The following ATXN3 variants were observed in gnomAD, a reference collection of about 807,000 sequenced individuals.
ATXN3 encodes the protein ataxin-3.
In ATXN3, 28 loss-of-function variants were observed where a neutral mutation model predicts 58.2. The observed-to-expected ratio is 0.48, with a 90% confidence interval of 0.36 to 0.66. ATXN3 has a LOEUF of 0.66. Ranked by LOEUF, ATXN3 falls within the 30% of genes least tolerant of loss-of-function variation. ATXN3 has a pLI of 0.00. For missense variants in ATXN3, 321 were observed against 422.1 expected (o/e 0.76, Z 2.10); for synonymous variants, 113 against 138.5 (o/e 0.82, Z 1.29).
At chr14:92,064,544 C>A in intron 10 of ATXN3, 130 bp from the exon 11 acceptor site, 1 of 657,396 alleles carries the variant, frequency 1.5e-6, no homozygotes. Flanking sequence ...ACATATAAAG[C>A]AAAATTTACT....
chr14:92,056,187 AAGAGCTCCTTGGGGCCCATGTAG>A (rs2057464430), downstream of ATXN3, among the ~76,000 whole-genome samples: 1 of 152,196 alleles, frequency 6.6e-6, no homozygotes, highest in African/African-American at 2.4e-5. Flanking sequence ...CTCTGGGCAC[AAGAGCTCCTTGGGGCCCATGTAG>A]TGACATGTGG....
chr14:92,095,096 CA>C (rs1245728417), intron 3 of ATXN3, among the ~76,000 whole-genome samples: 1 of 124,214 alleles, frequency 8.1e-6, no homozygotes, highest in Admixed American at 7.5e-5. Flanking sequence ...GAGAGCTATA[CA>C]TTAAAAAAAA....
At chr14:92,053,647 C>A (rs1336407783), downstream of ATXN3, among the ~76,000 whole-genome samples, 1 of 151,914 alleles carries the variant, frequency 6.6e-6, no homozygotes, top group Admixed American at 6.6e-5. Flanking sequence ...CAGGTGCATG[C>A]CACCATACCC....
intron 9 of ATXN3, among the ~76,000 whole-genome samples, chr14:92,079,643 C>T (rs763221140): frequency 3.3e-5 from 5 of 152,160 alleles, no homozygotes; most frequent in Non-Finnish European, 7.3e-5. Flanking sequence ...GGATGAAATA[C>T]AGCAAATAGT....
upstream of ATXN3, among the ~76,000 whole-genome samples, chr14:92,051,009 T>C (rs182250620): frequency 3.2e-4 from 49 of 152,390 alleles, 1 homozygote; most frequent in Admixed American, 3.2e-3. Flanking sequence ...TTTAGTCTGA[T>C]ACTTTTCTGA....
Position 92,093,336 on chromosome 14 carries a change from C to A in ATXN3, c.321-18G>T, listed in dbSNP as rs1183894618. 8.4e-7 allele frequency: 1 copy of A among 1,192,678 alleles called. No individual in the cohort carries two copies. The highest frequency in any genetic ancestry group is 2.0e-5 in the Admixed American group (1 of 50,922). The allele number at this position is 1,192,678 out of a possible 1,614,324, so 73.9% of individuals were successfully genotyped here. ...TTTCATTTCTAAAAAAGAAAACAGA[C>A]AATATTAACTTGAAATATTGAATTC... On this transcript the variant is annotated intron_variant, in intron 4 of 10. Coordinates refer to ENST00000644486, the MANE Select transcript of ATXN3 (RefSeq NM_004993.6).
At chr14:92,097,032 C>T (rs1450650735) in intron 1 of ATXN3, 194 bp from the exon 2 acceptor site, 12 of 496,518 alleles carry the variant, frequency 2.4e-5, no homozygotes, top group South Asian at 1.3e-4. Flanking sequence ...CTCAGCCTCC[C>T]GAGTAGCTGG....
rs140445449 is a variant in ATXN3 at position 92,049,087 on chromosome 14, T to C, written n.184+516A>G. On this transcript the variant is annotated intron_variant and non_coding_transcript_variant, in intron 1 of 2. Coordinates refer to the ATXN3 transcript ENST00000564606. ...ACTTGGAACTACTGTTGAGTTTGTA[T>C]TGGGGCCAAGCGGTATTGCAGAAGA... 2.9e-3 allele frequency among the ~76,000 whole-genome samples: 435 copies of C among 152,260 alleles called. 1 individual carries two copies. Among genetic ancestry groups the C allele is most frequent in the African/African-American group, 0.01 (418 of 41,560 alleles).
At chr14:92,095,295 G>C (rs571083528) in intron 3 of ATXN3, among the ~76,000 whole-genome samples, 126 of 152,156 alleles carry the variant, frequency 8.3e-4, no homozygotes, top group African/African-American at 2.9e-3. Flanking sequence ...CCAGGCTAGA[G>C]TGCAGTGGCG....
chr14:92,071,897 A>G (rs1260842194), intron 9 of ATXN3, among the ~76,000 whole-genome samples: 1 of 152,162 alleles, frequency 6.6e-6, no homozygotes, highest in East Asian at 1.9e-4. Context: ...TTTAATTCTC[A>G]GCATAAACTT....
intron 9 of ATXN3, among the ~76,000 whole-genome samples, chr14:92,075,437 G>A (rs1235060174): frequency 6.6e-6 from 1 of 152,130 alleles, no homozygotes; most frequent in Non-Finnish European, 1.5e-5. Context: ...AAAGTGCTGG[G>A]ATTACAAGCG....
At chr14:92,084,800 G>T (rs10138566) in intron 6 of ATXN3, among the ~76,000 whole-genome samples, 42,973 of 151,734 alleles carry the variant, frequency 0.28, 6,423 homozygotes, top group East Asian at 0.44. Flanking sequence ...GGCTGGTCTC[G>T]AACTCCTGAC....
chr14:92,056,273 C>T (rs1413426786), downstream of ATXN3, among the ~76,000 whole-genome samples: 3 of 152,286 alleles, frequency 2.0e-5, no homozygotes, highest in African/African-American at 7.2e-5. Flanking sequence ...ATTATAGTAC[C>T]TGTCTGGTAT....
intron 5 of ATXN3, among the ~76,000 whole-genome samples, chr14:92,092,833 C>CT (rs914034212): frequency 2.7e-4 from 39 of 142,104 alleles, no homozygotes; most frequent in Non-Finnish European, 3.4e-4. Context: ...GTCAGCAATC[C>CT]TTTTTTTTTT....
intron 9 of ATXN3, among the ~76,000 whole-genome samples, chr14:92,074,012 C>CAAAAAAAAAAA (rs554711538): frequency 1.3e-5 from 1 of 74,804 alleles, no homozygotes. Context: ...GACTCCACCT[C>CAAAAAAAAAAA]AAAAAAAAAA....
rs114977442 is a variant in ATXN3, at chr14:92,091,739, C to T, written c.387+1513G>A. ...TTGAGACAGGATCTCCTTCTGTCACCCAAGCTGGAGTGCAGTAGCACGATC... is the reference window on the plus strand; with the variant it reads ...TTGAGACAGGATCTCCTTCTGTCACTCAAGCTGGAGTGCAGTAGCACGATC... On this transcript the variant is annotated intron_variant, in intron 5 of 10. Coordinates refer to ENST00000644486, the MANE Select transcript of ATXN3 (RefSeq NM_004993.6). Among the ~76,000 whole-genome samples the T allele has an allele frequency of 7.5e-3, 1,148 of 152,108 alleles. 18 individuals are homozygous for T. Among genetic ancestry groups the T allele is most frequent in the African/African-American group, 0.026 (1,077 of 41,506 alleles).
At chr14:92,054,355 C>A (rs1305574404), downstream of ATXN3, among the ~76,000 whole-genome samples, 1 of 152,168 alleles carries the variant, frequency 6.6e-6, no homozygotes, top group East Asian at 1.9e-4. Context: ...AAATACAGGT[C>A]ATAAAGTCCT....
chr14:92,064,293 G>T lies in ATXN3; in HGVS notation c.*27C>A, dbSNP rs1243680643. On this transcript the variant is annotated 3_prime_UTR_variant, in exon 11 of 11. Coordinates refer to ENST00000644486, the MANE Select transcript of ATXN3 (RefSeq NM_004993.6). ...CACACAGGATAATGTTGGAAAGTATGAATATCTAAATTATTTTTTAAAGGT... is the reference window on the plus strand; with the variant it reads ...CACACAGGATAATGTTGGAAAGTATTAATATCTAAATTATTTTTTAAAGGT... 4 of 1,484,908 alleles carry T rather than the reference G, an allele frequency of 2.7e-6. No individual in the cohort carries two copies. Among genetic ancestry groups the T allele is most frequent in the South Asian group, 2.3e-5 (2 of 87,310 alleles). 92.0% of individuals were successfully genotyped at this position (1,484,908 alleles called of 1,614,324 possible).
At chr14:92,104,533 T>G (rs1158894373) in intron 1 of ATXN3, among the ~76,000 whole-genome samples, 1 of 152,226 alleles carries the variant, frequency 6.6e-6, no homozygotes. Flanking sequence ...GGTAACAATA[T>G]TGTTAAAAAT....
Sources: allele counts gnomAD v4.1 joint callset (sites outside exome capture counted in the v4.1 genomes callset), GRCh38; gene constraint gnomAD v4.1.1; transcripts MANE v1.5; gene names NCBI Gene and HGNC (gene_info 2026-07-23, HGNC 2026-07-21).